POLR2M: variants seen among roughly 807,000 people sequenced by gnomAD.
POLR2M encodes the protein RNA polymerase II subunit M.
POLR2M carries 30 observed loss-of-function variants against 34.6 expected under a neutral mutation model. That is an observed-to-expected ratio of 0.87 (90% CI 0.65 to 1.18). The LOEUF (loss-of-function observed/expected upper bound fraction) is 1.18, where lower values mean the gene tolerates loss of function less well. Ranked by LOEUF, POLR2M falls within the 50% of genes most tolerant of loss-of-function variation. The probability of loss-of-function intolerance (pLI) is 0.00; values close to 1 mark genes in which losing one functional copy is unlikely to be tolerated. For synonymous variants in POLR2M, 150 were observed against 166.7 expected (o/e 0.90, Z 0.77); for missense variants, 432 against 448.7 (o/e 0.96, Z 0.34).
chr15:57,711,631 A>G (rs1480692826), intron 2 of POLR2M, among the ~76,000 whole-genome samples: 2 of 151,918 alleles, frequency 1.3e-5, no homozygotes, highest in Admixed American at 6.6e-5. Flanking sequence ...GTTCCAATGT[A>G]TCTTGTTGAG....
At chr15:57,712,542 G>A (rs2040772918) in intron 3 of POLR2M, among the ~76,000 whole-genome samples, 1 of 152,060 alleles carries the variant, frequency 6.6e-6, no homozygotes, top group East Asian at 1.9e-4. Flanking sequence ...TCTCAGTGGC[G>A]GACTCAAACC....
At chr15:57,707,153 T>G in intron 1 of POLR2M, 198 bp downstream of exon 1, 1 of 1,520,654 alleles carries the variant, frequency 6.6e-7, no homozygotes, top group Non-Finnish European at 8.9e-7. Context: ...CACGTATGCC[T>G]GCGAGGATAG....
At chr15:57,707,459 T>A in intron 1 of POLR2M, 1 of 569,936 alleles carries the variant, frequency 1.8e-6, no homozygotes, top group Non-Finnish European at 3.3e-6. Flanking sequence ...AGTGATTTTG[T>A]TTTTTAGGCA....
chr15:57,711,485 C>A (rs2040710778), intron 2 of POLR2M, among the ~76,000 whole-genome samples: 1 of 152,208 alleles, frequency 6.6e-6, no homozygotes, highest in African/African-American at 2.4e-5. Context: ...TCTGTACTTT[C>A]TCTCACTCCC....
chr15:57,709,393 C>G (rs551339726), intron 2 of POLR2M, 35 bp downstream of exon 2: 4 of 1,570,656 alleles, frequency 2.5e-6, no homozygotes, highest in Admixed American at 1.9e-5. Context: ...GTAACAGGAA[C>G]GTGATATTTG....
intron 1 of POLR2M, 77 bp downstream of exon 1, chr15:57,707,032 C>G: frequency 6.4e-7 from 1 of 1,551,820 alleles, no homozygotes. Flanking sequence ...CCCTCCCGCA[C>G]TCTGTTCCCT....
rs542772686 is a variant in POLR2M at position 57,709,696 on chromosome 15, G to A, written c.758+338G>A. Among the ~76,000 whole-genome samples the A allele has an allele frequency of 7.2e-4, 110 of 152,246 alleles. 2 individuals are homozygous for A. The highest frequency in any genetic ancestry group is 2.5e-3 in the African/African-American group (105 of 41,540). On this transcript the variant is annotated intron_variant, in intron 2 of 3. Coordinates refer to ENST00000299638, the MANE Select transcript of POLR2M (RefSeq NM_015532.5). ...TATTTAGTTTTGAAACCAAATAATCGACAAGGTCTTTTAAAGCACATGGGG... is the reference window on the plus strand; with the variant it reads ...TATTTAGTTTTGAAACCAAATAATCAACAAGGTCTTTTAAAGCACATGGGG...
intron 3 of POLR2M, among the ~76,000 whole-genome samples, chr15:57,712,741 A>G (rs74820542): frequency 0.041 from 6,249 of 152,286 alleles, 157 homozygotes; most frequent in African/African-American, 0.072. Flanking sequence ...AGCTTAATCA[A>G]TTTTGCATAG....
At chr15:57,707,297 G>A (rs1376468319) in intron 1 of POLR2M, 2 of 758,278 alleles carry the variant, frequency 2.6e-6, no homozygotes, top group Non-Finnish European at 4.4e-6. Flanking sequence ...ACCCATAACA[G>A]ATTGTCAGCT....
At position 57,717,551 on chromosome 15, in the gene POLR2M, T is replaced by C. The variant is rs1198976135; in HGVS notation, c.*2872T>C. The stretch of plus-strand genomic sequence containing the variant: ...TTTGACTTATATAAAAATAGAATAA[T>C]ACTATATGTCGTGTTTGGTGTCTTT... On this transcript the variant is annotated 3_prime_UTR_variant, in exon 4 of 4. Coordinates refer to ENST00000299638, the MANE Select transcript of POLR2M (RefSeq NM_015532.5). 3 of 152,250 alleles carry C rather than the reference T, an allele frequency of 2.0e-5. No homozygotes were observed. The highest frequency in any genetic ancestry group is 4.4e-5 in the Non-Finnish European group (3 of 68,044). 9.4% of individuals were successfully genotyped at this position (152,250 alleles called of 1,614,324 possible).
chr15:57,711,834 A>G (rs973118975), intron 2 of POLR2M, 150 bp from the exon 3 acceptor site: 3 of 909,284 alleles, frequency 3.3e-6, no homozygotes, highest in Admixed American at 2.7e-5. Flanking sequence ...ACACACCCCT[A>G]TTTGTTAGAG....
At position 57,709,575 on chromosome 15, in the gene POLR2M, G is replaced by A. The variant is rs146636752; in HGVS notation, c.758+217G>A. Among the ~76,000 whole-genome samples, 77 of 152,256 alleles carry A rather than the reference G, an allele frequency of 5.1e-4. 1 individual carries two copies. Among genetic ancestry groups the A allele is most frequent in the African/African-American group, 1.8e-3 (76 of 41,538 alleles). The stretch of plus-strand genomic sequence containing the variant: ...AAGTCAGGAGAATGCTCTAAGTTCC[G>A]TGGGCTTTGTATGAGAACTACTTGT... On this transcript the variant is annotated intron_variant, in intron 2 of 3. Coordinates refer to ENST00000299638, the MANE Select transcript of POLR2M (RefSeq NM_015532.5).
At position 57,717,105 on chromosome 15, in the gene POLR2M, C is replaced by G. The variant is rs1288897543; in HGVS notation, c.*2426C>G. ...CCAATTGGTTCAGTATGTGAAACCA[C>G]CATTTCCCCTCTGATTAGTAATGCT... On this transcript the variant is annotated 3_prime_UTR_variant, in exon 4 of 4. Transcript: ENST00000299638. 6.6e-6 allele frequency: 1 copy of G among 152,176 alleles called. No individual in the cohort carries two copies. Among genetic ancestry groups the G allele is most frequent in the African/African-American group, 2.4e-5 (1 of 41,448 alleles). The allele number at this position is 152,176 out of a possible 1,614,324, so 9.4% of individuals were successfully genotyped here.
chr15:57,712,322 A>T (rs139570775), intron 3 of POLR2M, 134 bp downstream of exon 3: 17 of 1,044,416 alleles, frequency 1.6e-5, no homozygotes, highest in Non-Finnish European at 2.3e-5. Context: ...CTATGCCACT[A>T]GTTTTCAGAG....
intron 1 of POLR2M, 39 bp downstream of exon 1, chr15:57,706,994 C>T: frequency 1.9e-6 from 3 of 1,555,594 alleles, no homozygotes; most frequent in Non-Finnish European, 2.6e-6. Context: ...CAGGCTCCTT[C>T]AGCTCGAGCT....
Position 57,716,767 on chromosome 15 carries a change from C to T in POLR2M, c.*2088C>T, listed in dbSNP as rs1400092099. On this transcript the variant is annotated 3_prime_UTR_variant, in exon 4 of 4. Transcript: ENST00000299638. Reference sequence around the variant, plus strand: ...GTCCGTCCTTTGTCATATATTGTAACTTTTTTTAGCCTTATTTGTCATTTA... The same window carrying T: ...GTCCGTCCTTTGTCATATATTGTAATTTTTTTTAGCCTTATTTGTCATTTA... The T allele has an allele frequency of 6.6e-6, 1 of 152,192 alleles. No individual in the cohort carries two copies. Among genetic ancestry groups the T allele is most frequent in the Non-Finnish European group, 1.5e-5 (1 of 68,028 alleles). The allele number at this position is 152,192 out of a possible 1,614,324, so 9.4% of individuals were successfully genotyped here. A position where few individuals can be genotyped will look rare whatever the true frequency, so the allele number is the denominator to read the frequency against.
Position 57,717,192 on chromosome 15 carries a change from C to T in POLR2M, c.*2513C>T, listed in dbSNP as rs189562999. The T allele has an allele frequency of 6.6e-6, 1 of 152,270 alleles. No homozygotes were observed. The highest frequency in any genetic ancestry group is 1.9e-4 in the East Asian group (1 of 5,188). 9.4% of individuals were successfully genotyped at this position (152,270 alleles called of 1,614,324 possible). A position where few individuals can be genotyped will look rare whatever the true frequency, so the allele number is the denominator to read the frequency against. Reference sequence around the variant, plus strand: ...TGTCTTAGGCCAATTTCTGGGCCTTCTGGGTTTTTTCTACACTGTCAATAA... The same window carrying T: ...TGTCTTAGGCCAATTTCTGGGCCTTTTGGGTTTTTTCTACACTGTCAATAA... On this transcript the variant is annotated 3_prime_UTR_variant, in exon 4 of 4. Coordinates refer to ENST00000299638, the MANE Select transcript of POLR2M (RefSeq NM_015532.5).
chr15:57,706,748 C>G lies in POLR2M; in HGVS notation c.-95C>G, dbSNP rs1228359760. On this transcript the variant is annotated 5_prime_UTR_variant, in exon 1 of 4. Coordinates refer to ENST00000299638, the MANE Select transcript of POLR2M (RefSeq NM_015532.5). Reference sequence around the variant, plus strand: ...GGAAAATGGCGACTCCCGCTCGTGCCCCGGAGTCACCGCCGTCCGCGGATC... The same window carrying G: ...GGAAAATGGCGACTCCCGCTCGTGCGCCGGAGTCACCGCCGTCCGCGGATC... 1 of 1,407,406 alleles carries G rather than the reference C, an allele frequency of 7.1e-7. No homozygotes were observed. Among genetic ancestry groups the G allele is most frequent in the Non-Finnish European group, 9.7e-7 (1 of 1,034,654 alleles). 87.2% of individuals were successfully genotyped at this position (1,407,406 alleles called of 1,614,324 possible).
At position 57,707,387 on chromosome 15, in the gene POLR2M, A is replaced by G. The variant is rs2040537212; in HGVS notation, c.113+432A>G. 6 of 683,072 alleles carry G rather than the reference A, an allele frequency of 8.8e-6. No homozygotes were observed. In the East Asian group the frequency reaches 1.7e-4, roughly 20 times the overall value. The allele number at this position is 683,072 out of a possible 1,614,324, so 42.3% of individuals were successfully genotyped here. A position where few individuals can be genotyped will look rare whatever the true frequency, so the allele number is the denominator to read the frequency against. On this transcript the variant is annotated intron_variant, in intron 1 of 3. Coordinates refer to ENST00000299638, the MANE Select transcript of POLR2M (RefSeq NM_015532.5). ...TGAAGAGGGGTTTATTAGGCCGGGA[A>G]AGTTCGACCCTCATTCAGCTGGCTG...
Sources: gnomAD v4.1 joint callset for allele counts (sites outside exome capture counted in the v4.1 genomes callset) on GRCh38, gnomAD v4.1.1 for gene constraint, MANE v1.5 for transcripts, NCBI Gene and HGNC (gene_info 2026-07-23, HGNC 2026-07-21) for gene names.